Variants in METTL25 observed in about 807,000 individuals in gnomAD.
The protein encoded by METTL25 is methyltransferase like 25.
Under a neutral mutation model 71.6 loss-of-function variants are expected in METTL25, and 64 were observed. The observed-to-expected ratio is 0.89, with a 90% CI of 0.73 to 1.10. The LOEUF is 1.10. Ranked by LOEUF, METTL25 falls within the 50% of genes least tolerant of loss-of-function variation. The pLI is 0.00. For missense variants in METTL25, 807 were observed against 707.0 expected, an observed-to-expected ratio of 1.14 and a Z score of -1.60; for synonymous variants, 287 against 250.3, an observed-to-expected ratio of 1.15 and a Z score of -1.38.
intron 4 of METTL25, among the ~76,000 whole-genome samples, chr12:82,400,446 G>A (rs1293770067): frequency 2.0e-5 from 3 of 151,816 alleles, no homozygotes; most frequent in South Asian, 4.1e-4. Context: ...TTTTTTAAAT[G>A]GGAAATTTTT....
At chr12:82,365,166 A>G (rs1399325745) in intron 1 of METTL25, among the ~76,000 whole-genome samples, 1 of 152,220 alleles carries the variant, frequency 6.6e-6, no homozygotes, top group Non-Finnish European at 1.5e-5. Context: ...TCAACTAGAC[A>G]TATATTATTT....
intron 1 of METTL25, among the ~76,000 whole-genome samples, chr12:82,377,235 A>G (rs1883970312): frequency 6.6e-6 from 1 of 152,222 alleles, no homozygotes; most frequent in South Asian, 2.1e-4. Flanking sequence ...AGTAAATATC[A>G]CATGTGGCTG....
chr12:82,418,909 C>CT (rs1304962361), intron 5 of METTL25, among the ~76,000 whole-genome samples: 2 of 151,996 alleles, frequency 1.3e-5, no homozygotes, highest in Admixed American at 1.3e-4. Flanking sequence ...TCTATAAACA[C>CT]TAATTTGATT....
In METTL25 at chr12:82,438,707, AT is replaced by A; in HGVS notation, c.1405-4del. 12 of 1,456,344 alleles carry A rather than the reference AT, an allele frequency of 8.2e-6. No individual in the cohort carries two copies. Among genetic ancestry groups the A allele is most frequent in the Admixed American group, 4.7e-5 (2 of 42,512 alleles). 90.2% of individuals were successfully genotyped at this position (1,456,344 alleles called of 1,614,324 possible). A position where few individuals can be genotyped will look rare whatever the true frequency, so the allele number is the denominator to read the frequency against. ...GTTTCTTGTGCTTATATATGTCTACATTTTTTTCAGCTGCCTACTGAATCAC... is the reference window on the plus strand; with the variant it reads ...GTTTCTTGTGCTTATATATGTCTACATTTTTTCAGCTGCCTACTGAATCAC... On this transcript the variant is annotated splice_polypyrimidine_tract_variant and intron_variant, in intron 7 of 11. Transcript: ENST00000248306.
At chr12:82,362,464 A>G (rs1010651965) in intron 1 of METTL25, among the ~76,000 whole-genome samples, 1 of 152,148 alleles carries the variant, frequency 6.6e-6, no homozygotes, top group Non-Finnish European at 1.5e-5. Context: ...ATAGAAAGGG[A>G]TATCTTTCAC....
intron 3 of METTL25, among the ~76,000 whole-genome samples, chr12:82,398,154 G>A (rs934553498): frequency 6.6e-6 from 1 of 151,290 alleles, no homozygotes; most frequent in Non-Finnish European, 1.5e-5. Context: ...AGTTTTCAAT[G>A]TATAGGTTTT....
chr12:82,387,077 A>G, intron 2 of METTL25, 110 bp downstream of exon 2: 1 of 872,030 alleles, frequency 1.1e-6, no homozygotes, highest in Non-Finnish European at 1.7e-6. Context: ...TTAGACCTTA[A>G]TATATAAGCC....
chr12:82,399,368 C>A lies in METTL25; in HGVS notation c.1105C>A (p.Leu369Ile). 1.3e-6 allele frequency: 2 copies of A among 1,581,510 alleles called. No individual in the cohort carries two copies. The highest frequency in any genetic ancestry group is 1.2e-5 in the South Asian group (1 of 85,304). ...CTCTTTTATCACTGCTGATTCAGAA[C>A]TCCATGACATTATTAAAGATTTGGA... ...LTSFITADSE[L>I]HDIIKDLEDC... The change falls in exon 4 of 12, where the codon CTC becomes ATC. Residue 369 changes from leucine (L) to isoleucine (I), a missense_variant. Leu to Ile is a conservative substitution (Grantham distance 5). Transcript: ENST00000248306.
intron 9 of METTL25, among the ~76,000 whole-genome samples, chr12:82,458,979 A>C (rs1295063658): frequency 6.6e-6 from 1 of 152,198 alleles, no homozygotes; most frequent in Non-Finnish European, 1.5e-5. Flanking sequence ...TAATTATAGG[A>C]CTACAAACCA....
intron 9 of METTL25, chr12:82,468,730 T>G (rs1157307629): frequency 6.6e-6 from 1 of 152,294 alleles, no homozygotes; most frequent in Non-Finnish European, 1.5e-5. Context: ...CCTTCTTAAC[T>G]ATAGAAAATG....
chr12:82,376,413 T>C (rs1252844541), intron 1 of METTL25, among the ~76,000 whole-genome samples: 1 of 152,240 alleles, frequency 6.6e-6, no homozygotes, highest in East Asian at 1.9e-4. Context: ...GTTCTTCATT[T>C]ATAATTTTAT....
intron 1 of METTL25, among the ~76,000 whole-genome samples, chr12:82,367,635 G>A (rs1273027595): frequency 1.3e-5 from 2 of 152,094 alleles, no homozygotes; most frequent in African/African-American, 4.8e-5. Flanking sequence ...TGTTGTTCTT[G>A]CCTTTAGACT....
At chr12:82,421,690 G>A (rs910560458) in intron 5 of METTL25, among the ~76,000 whole-genome samples, 3 of 152,022 alleles carry the variant, frequency 2.0e-5, no homozygotes, top group African/African-American at 7.2e-5. Flanking sequence ...TCAAATAGAT[G>A]CAATAAAAAA....
chr12:82,403,089 G>A lies in METTL25; in HGVS notation c.1238G>A (p.Cys413Tyr). 2 of 1,613,134 alleles carry A rather than the reference G, an allele frequency of 1.2e-6. No homozygotes were observed. The highest frequency in any genetic ancestry group is 1.7e-6 in the Non-Finnish European group (2 of 1,179,504). ...AAGGGAGTTTGCAGTGTGGGTTGTTGCTACCACCTCTTATCTGAAGAATTT... is the reference window on the plus strand; with the variant it reads ...AAGGGAGTTTGCAGTGTGGGTTGTTACTACCACCTCTTATCTGAAGAATTT... ...EIKGVCSVGC[C>Y]YHLLSEEFEN... Residue 413 changes from cysteine (C) to tyrosine (Y), a missense_variant, in exon 5 of 12, where the codon TGC (cysteine) becomes TAC (tyrosine). Cys to Tyr is a radical substitution (Grantham distance 194). Coordinates refer to ENST00000248306, the MANE Select transcript of METTL25 (RefSeq NM_032230.3).
chr12:82,446,416 A>T (rs973588579), intron 8 of METTL25, among the ~76,000 whole-genome samples: 6 of 152,092 alleles, frequency 3.9e-5, no homozygotes, highest in African/African-American at 9.7e-5. Flanking sequence ...ATCATATGTT[A>T]GCCACAAAAC....
At chr12:82,387,012 G>A in intron 2 of METTL25, 45 bp downstream of exon 2, 1 of 1,477,184 alleles carries the variant, frequency 6.8e-7, no homozygotes, top group Non-Finnish European at 9.3e-7. Flanking sequence ...TAGGTACTTA[G>A]AAGCAATACT....
intron 1 of METTL25, among the ~76,000 whole-genome samples, chr12:82,376,187 C>G (rs1949732895): frequency 6.6e-6 from 1 of 152,188 alleles, no homozygotes; most frequent in Non-Finnish European, 1.5e-5. Context: ...AATTATGTGA[C>G]AGTACTTTTA....
chr12:82,456,627 A>G (rs542722150), intron 8 of METTL25, 100 bp from the exon 9 acceptor site: 8 of 633,474 alleles, frequency 1.3e-5, no homozygotes, highest in African/African-American at 1.9e-5. Context: ...ATCTTGTGCT[A>G]TATCCACAGA....
intron 8 of METTL25, among the ~76,000 whole-genome samples, chr12:82,439,688 T>C (rs1890178752): frequency 6.6e-6 from 1 of 151,768 alleles, no homozygotes; most frequent in Non-Finnish European, 1.5e-5. Flanking sequence ...CATTCTCTTT[T>C]CCAAATCATC....
Sources: allele counts gnomAD v4.1 joint callset (sites outside exome capture counted in the v4.1 genomes callset), GRCh38; gene constraint gnomAD v4.1.1; transcripts MANE v1.5; gene names NCBI Gene and HGNC (gene_info 2026-07-23, HGNC 2026-07-21).